The following AFF3 variants were observed in gnomAD, a reference collection of about 807,000 sequenced individuals.
The protein encoded by AFF3 is AF4/FMR2 family member 3.
In AFF3, 32 loss-of-function variants were observed where a neutral mutation model predicts 129.7. The observed-to-expected ratio is 0.25, with a 90% CI of 0.19 to 0.33. AFF3 has a LOEUF of 0.33. Among genes scored for constraint, AFF3 ranks in the 10% least tolerant of loss-of-function variants. AFF3 has a pLI of 1.00. For missense variants in AFF3, 1,373 were observed against 1,592.0 expected, an observed-to-expected ratio of 0.86 and a Z score of 2.34; for synonymous variants, 644 against 635.4, an observed-to-expected ratio of 1.01 and a Z score of -0.20.
chr2:100,085,006 A>G (rs1242324754), intron 4 of AFF3, among the ~76,000 whole-genome samples: 1 of 152,082 alleles, frequency 6.6e-6, no homozygotes, highest in Non-Finnish European at 1.5e-5. Flanking sequence ...CTTTATTACC[A>G]AGAAATTCGG....
chr2:99,611,314 T>A (rs1680897207), intron 13 of AFF3, among the ~76,000 whole-genome samples: 1 of 152,176 alleles, frequency 6.6e-6, no homozygotes, highest in South Asian at 2.1e-4. Context: ...CATCTGTGGA[T>A]TGTCTTTTCT....
At chr2:99,909,851 T>A (rs1694994559) in intron 7 of AFF3, among the ~76,000 whole-genome samples, 1 of 152,100 alleles carries the variant, frequency 6.6e-6, no homozygotes, top group African/African-American at 2.4e-5. Context: ...TTTTTCCCTA[T>A]CTTTATGCAG....
chr2:99,953,630 C>T lies in AFF3; in HGVS notation c.873+53002G>A, dbSNP rs577634268. ...TTTCATCCTGTACTGAAGTGGCTTACCAATGAACTAAGAAAGTTATATTGT... is the reference window on the plus strand; with the variant it reads ...TTTCATCCTGTACTGAAGTGGCTTATCAATGAACTAAGAAAGTTATATTGT... On this transcript the variant is annotated intron_variant, in intron 7 of 24. Transcript: ENST00000672756. 2.0e-5 allele frequency among the ~76,000 whole-genome samples: 3 copies of T among 152,202 alleles called. No individual in the cohort carries two copies. The South Asian group carries it at 6.2e-4, about 32-fold the overall frequency.
At chr2:99,731,528 T>G in intron 10 of AFF3, among the ~76,000 whole-genome samples, 1 of 152,190 alleles carries the variant, frequency 6.6e-6, no homozygotes, top group East Asian at 1.9e-4. Flanking sequence ...ACCTCCCCGC[T>G]CACAGCTATG....
At chr2:99,809,409 C>T (rs903366663) in intron 8 of AFF3, among the ~76,000 whole-genome samples, 1 of 152,232 alleles carries the variant, frequency 6.6e-6, no homozygotes, top group Non-Finnish European at 1.5e-5. Context: ...CAGGTTTGCA[C>T]CCTGCTGGGG....
chr2:99,596,888 T>A (rs1020894418), intron 14 of AFF3, among the ~76,000 whole-genome samples: 4 of 152,178 alleles, frequency 2.6e-5, no homozygotes, highest in Non-Finnish European at 5.9e-5. Flanking sequence ...CACTAAATCA[T>A]ACTTTTTTTT....
At chr2:99,735,073 A>G (rs62150079) in intron 10 of AFF3, among the ~76,000 whole-genome samples, 272 of 152,334 alleles carry the variant, frequency 1.8e-3, no homozygotes, top group Non-Finnish European at 3.0e-3. Context: ...GGTTATATTT[A>G]TATGTAAATT....
At chr2:99,732,136 C>T (rs1283534397) in intron 10 of AFF3, among the ~76,000 whole-genome samples, 1 of 151,962 alleles carries the variant, frequency 6.6e-6, no homozygotes, top group Non-Finnish European at 1.5e-5. Context: ...AGGCAGATCA[C>T]GAGGTCAGGA....
At chr2:99,702,086 G>A (rs868673179) in intron 11 of AFF3, among the ~76,000 whole-genome samples, 6 of 152,284 alleles carry the variant, frequency 3.9e-5, no homozygotes, top group Non-Finnish European at 7.4e-5. Context: ...GAGCCTTCAC[G>A]TACAAGTTGC....
At chr2:99,867,449 G>A (rs1488833028) in intron 7 of AFF3, among the ~76,000 whole-genome samples, 2 of 151,756 alleles carry the variant, frequency 1.3e-5, no homozygotes, top group African/African-American at 4.8e-5. Context: ...CGGCAGATGA[G>A]TTTTCAGGTC....
chr2:99,763,776 G>A (rs1349062990), intron 8 of AFF3, among the ~76,000 whole-genome samples: 4 of 152,142 alleles, frequency 2.6e-5, no homozygotes, highest in African/African-American at 4.8e-5. Flanking sequence ...AACAAAAATC[G>A]TAGCAAAATC....
At chr2:99,861,850 C>T (rs1691024564) in intron 7 of AFF3, among the ~76,000 whole-genome samples, 2 of 152,062 alleles carry the variant, frequency 1.3e-5, no homozygotes, top group African/African-American at 2.4e-5. Context: ...CATTCTTTTG[C>T]TTTTCTTTAT....
chr2:100,035,069 A>G (rs2104991203), intron 4 of AFF3, among the ~76,000 whole-genome samples: 1 of 152,262 alleles, frequency 6.6e-6, no homozygotes, highest in South Asian at 2.1e-4. Context: ...CATCATAAAC[A>G]ATACACCTGT....
rs56368025 is a variant in AFF3, at chr2:100,024,231, C to CA, written c.54-15300dup. ...TGGGCGACAGAGCAAGACTCCGTCT[C>CA]AAAAAAAAAAAAAAAAAAAAAAAAA... On this transcript the variant is annotated intron_variant, in intron 4 of 24. Transcript: ENST00000672756. 9.3e-3 allele frequency among the ~76,000 whole-genome samples: 521 copies of CA among 55,818 alleles called. 11 individuals are homozygous for CA. Among genetic ancestry groups the CA allele is most frequent in the African/African-American group, 0.022 (292 of 13,112 alleles). The allele number at this position is 55,818 out of a possible 152,430, so 36.6% of individuals were successfully genotyped here.
intron 8 of AFF3, among the ~76,000 whole-genome samples, chr2:99,768,886 T>C (rs1354322882): frequency 6.6e-6 from 1 of 152,206 alleles, no homozygotes; most frequent in Non-Finnish European, 1.5e-5. Context: ...CACCATAGTA[T>C]GTTACTTGTT....
At chr2:100,044,000 T>G (rs1375574759) in intron 4 of AFF3, among the ~76,000 whole-genome samples, 3 of 152,350 alleles carry the variant, frequency 2.0e-5, no homozygotes, top group African/African-American at 7.2e-5. Context: ...TTCTGGGCTT[T>G]TGTAATTAGG....
intron 7 of AFF3, among the ~76,000 whole-genome samples, chr2:99,985,162 T>C (rs1238493022): frequency 1.3e-5 from 2 of 152,236 alleles, no homozygotes; most frequent in Non-Finnish European, 2.9e-5. Context: ...CCAAATTTAC[T>C]TTTTCTGCTT....
At position 99,845,691 on chromosome 2, in the gene AFF3, A is replaced by G. The variant is rs182157151; in HGVS notation, c.874-8167T>C. On this transcript the variant is annotated intron_variant, in intron 7 of 24. Coordinates refer to ENST00000672756, the MANE Select transcript of AFF3 (RefSeq NM_001386135.1). ...CCCTACGTCGTTAATTTTACCAAGAAGAAGATCACACAGGTTCAGGCAGGA... is the reference window on the plus strand; with the variant it reads ...CCCTACGTCGTTAATTTTACCAAGAGGAAGATCACACAGGTTCAGGCAGGA... 3.3e-4 allele frequency among the ~76,000 whole-genome samples: 50 copies of G among 152,330 alleles called. 1 individual carries two copies. The East Asian group carries it at 4.4e-3, about 14-fold the overall frequency.
At chr2:100,129,765 T>C (rs1692347213) in intron 1 of AFF3, among the ~76,000 whole-genome samples, 2 of 152,198 alleles carry the variant, frequency 1.3e-5, no homozygotes, top group African/African-American at 4.8e-5. Context: ...CAATAAATCC[T>C]CACAACAACC....
Sources: gnomAD v4.1 joint callset for allele counts (sites outside exome capture counted in the v4.1 genomes callset) on GRCh38, gnomAD v4.1.1 for gene constraint, MANE v1.5 for transcripts, NCBI Gene and HGNC (gene_info 2026-07-23, HGNC 2026-07-21) for gene names.